The following C6 variants were observed in gnomAD, a reference collection of about 807,000 sequenced individuals.
The protein encoded by C6 is complement C6.
A neutral mutation model predicts 112.9 loss-of-function variants in C6; 101 were observed. That is an observed-to-expected ratio of 0.89 (90% CI 0.76 to 1.06). The LOEUF is 1.06. C6 is among the 50% of genes least tolerant of loss of function. C6 has a pLI of 0.00. For synonymous variants in C6, 431 were observed against 384.1 expected (o/e 1.12, Z -1.43); for missense variants, 1,202 against 1,104.6 (o/e 1.09, Z -1.25).
intron 1 of C6, among the ~76,000 whole-genome samples, chr5:41,236,776 A>T (rs1168122525): frequency 5.7e-5 from 8 of 140,050 alleles, no homozygotes; most frequent in Non-Finnish European, 1.1e-4. Context: ...CAAAAAATCA[A>T]TGAATCCAGG....
chr5:41,246,149 C>T (rs1404742836), intron 1 of C6, among the ~76,000 whole-genome samples: 3 of 152,128 alleles, frequency 2.0e-5, no homozygotes, highest in Non-Finnish European at 2.9e-5. Context: ...TTCGGCAAGC[C>T]ATGAACTCCA....
intron 9 of C6, among the ~76,000 whole-genome samples, chr5:41,167,300 C>A (rs1183881730): frequency 6.6e-6 from 1 of 152,088 alleles, no homozygotes; most frequent in Non-Finnish European, 1.5e-5. Context: ...AATGCTTGAA[C>A]TAAAATATCA....
intron 2 of C6, 112 bp from the exon 3 acceptor site, chr5:41,201,826 T>C: frequency 1.9e-6 from 2 of 1,036,932 alleles, no homozygotes; most frequent in Non-Finnish European, 3.0e-6. Context: ...GAAAGAAAAT[T>C]TTCATGGAAA....
chr5:41,187,668 G>C (rs1749881318), intron 5 of C6, among the ~76,000 whole-genome samples: 1 of 148,544 alleles, frequency 6.7e-6, no homozygotes, highest in African/African-American at 2.5e-5. Context: ...CAATAAAATT[G>C]TGTTAATGTA....
At position 41,201,242 on chromosome 5, in the gene C6, G is replaced by A. The variant is rs1406076157; in HGVS notation, c.300+316C>T. Among the ~76,000 whole-genome samples, 6 of 152,048 alleles carry A rather than the reference G, an allele frequency of 3.9e-5. 1 individual carries two copies. Among genetic ancestry groups the A allele is most frequent in the Non-Finnish European group, 8.8e-5 (6 of 68,006 alleles). On this transcript the variant is annotated intron_variant, in intron 3 of 17. Transcript: ENST00000337836. ...CTTCTGATACCAACATTTTGGATAAGGATTACTCAATCTGTATACACTTTT... is the reference window on the plus strand; with the variant it reads ...CTTCTGATACCAACATTTTGGATAAAGATTACTCAATCTGTATACACTTTT...
intron 1 of C6, among the ~76,000 whole-genome samples, chr5:41,220,260 G>C (rs6888651): frequency 0.053 from 8,039 of 152,096 alleles, 742 homozygotes; most frequent in African/African-American, 0.18. Context: ...ACCTTCCCTG[G>C]ACAGCCCTCA....
Position 41,142,715 on chromosome 5 carries a change from A to C in C6, c.*110T>G. 1 of 857,110 alleles carries C rather than the reference A, an allele frequency of 1.2e-6. No individual in the cohort carries two copies. Among genetic ancestry groups the C allele is most frequent in the East Asian group, 2.5e-5 (1 of 40,434 alleles). 53.1% of individuals were successfully genotyped at this position (857,110 alleles called of 1,614,324 possible). Reference sequence around the variant, plus strand: ...AAACTAACAGAAAATAATTTTTGTCAGTAACTTTGAGCATGCCAGTCTGCT... The same window carrying C: ...AAACTAACAGAAAATAATTTTTGTCCGTAACTTTGAGCATGCCAGTCTGCT... On this transcript the variant is annotated 3_prime_UTR_variant, in exon 18 of 18. Coordinates refer to ENST00000337836, the MANE Select transcript of C6 (RefSeq NM_000065.5).
At chr5:41,235,504 CTT>C (rs1740234134) in intron 1 of C6, among the ~76,000 whole-genome samples, 1 of 143,486 alleles carries the variant, frequency 7.0e-6, no homozygotes, top group South Asian at 2.3e-4. Flanking sequence ...GGTTCCAAGT[CTT>C]TGCTATTGTG....
intron 1 of C6, among the ~76,000 whole-genome samples, chr5:41,258,332 A>G (rs967909174): frequency 3.3e-5 from 5 of 152,176 alleles, no homozygotes; most frequent in African/African-American, 1.2e-4. Flanking sequence ...CACTTATTCA[A>G]TTGTTTTTTG....
chr5:41,202,805 G>A (rs1751134706), intron 2 of C6, among the ~76,000 whole-genome samples: 2 of 150,664 alleles, frequency 1.3e-5, no homozygotes, highest in South Asian at 4.1e-4. Flanking sequence ...TATGCTGATT[G>A]AAAAAAGCTT....
intron 9 of C6, among the ~76,000 whole-genome samples, chr5:41,169,259 C>T (rs1487371964): frequency 6.6e-6 from 1 of 152,058 alleles, no homozygotes; most frequent in Non-Finnish European, 1.5e-5. Flanking sequence ...TATCTGGCCA[C>T]CCTTCCCCAA....
chr5:41,201,253 T>C (rs763323495), intron 3 of C6, among the ~76,000 whole-genome samples: 2 of 152,156 alleles, frequency 1.3e-5, no homozygotes, highest in African/African-American at 2.4e-5. Context: ...GATTACTCAA[T>C]CTGTATACAC....
chr5:41,200,891 G>GTTTTGTTTTTTTTT (rs1554029750), intron 3 of C6, among the ~76,000 whole-genome samples: 201 of 70,634 alleles, frequency 2.8e-3, no homozygotes, highest in Non-Finnish European at 3.8e-3. Flanking sequence ...TGTTGTTGTT[G>GTTTTGTTTTTTTTT]TTTTTTTTTT....
chr5:41,151,123 T>G (rs1182534106), intron 15 of C6, among the ~76,000 whole-genome samples: 1 of 152,056 alleles, frequency 6.6e-6, no homozygotes, highest in East Asian at 1.9e-4. Context: ...GCCCTCGATT[T>G]TGAAAAAAAG....
intron 1 of C6, among the ~76,000 whole-genome samples, chr5:41,205,513 C>T (rs1751366531): frequency 6.6e-6 from 1 of 152,220 alleles, no homozygotes; most frequent in Non-Finnish European, 1.5e-5. Flanking sequence ...AATCGGGACA[C>T]TCCCACCCTA....
At chr5:41,260,457 C>T (rs972833087) in intron 1 of C6, among the ~76,000 whole-genome samples, 1 of 147,336 alleles carries the variant, frequency 6.8e-6, no homozygotes, top group African/African-American at 2.6e-5. Flanking sequence ...AACCCCCCCC[C>T]AAAACAAACA....
At chr5:41,199,965 T>G in intron 3 of C6, 53 bp from the exon 4 acceptor site, 1 of 1,582,848 alleles carries the variant, frequency 6.3e-7, no homozygotes, top group Non-Finnish European at 8.7e-7. Flanking sequence ...AAGGTCAAAA[T>G]GTACCTAAGA....
chr5:41,244,493 C>T (rs1049433263), intron 1 of C6, among the ~76,000 whole-genome samples: 8 of 152,140 alleles, frequency 5.3e-5, no homozygotes, highest in Non-Finnish European at 8.8e-5. Flanking sequence ...ATTTCAAAGC[C>T]CATACTAATA....
chr5:41,193,623 T>C (rs1182427703), intron 5 of C6, among the ~76,000 whole-genome samples: 1 of 152,166 alleles, frequency 6.6e-6, no homozygotes, highest in African/African-American at 2.4e-5. Flanking sequence ...TGTGTGTGTA[T>C]CTATACACAC....
Sources: gnomAD v4.1 joint callset for allele counts (sites outside exome capture counted in the v4.1 genomes callset) on GRCh38, gnomAD v4.1.1 for gene constraint, MANE v1.5 for transcripts, NCBI Gene and HGNC (gene_info 2026-07-23, HGNC 2026-07-21) for gene names.